Variants in CAST observed in about 807,000 individuals in gnomAD.
CAST encodes the protein calpastatin.
A neutral mutation model predicts 119.6 loss-of-function variants in CAST; 76 were observed. That is an observed-to-expected ratio of 0.64 (90% CI 0.53 to 0.77). The LOEUF is 0.77. Among genes scored for constraint, CAST ranks in the 30% least tolerant of loss-of-function variants. CAST has a pLI of 0.00. For missense variants in CAST, 953 were observed against 946.5 expected (o/e 1.01, Z -0.09); for synonymous variants, 319 against 331.6 (o/e 0.96, Z 0.41).
chr5:96,388,178 A>T, the CAST span, among the ~76,000 whole-genome samples: 1 of 152,260 alleles, frequency 6.6e-6, no homozygotes, highest in Non-Finnish European at 1.5e-5. Context: ...TCCCTGGCAC[A>T]TGCCATGAGA....
intron 3 of CAST, chr5:96,702,663 C>G (rs1196937288): frequency 1.8e-6 from 1 of 549,158 alleles, no homozygotes; most frequent in South Asian, 7.9e-5. Context: ...GTGAGCCAGT[C>G]TCCAGATGCC....
At chr5:96,615,503 C>A (rs773742994) in intron 1 of CAST, among the ~76,000 whole-genome samples, 15 of 152,146 alleles carry the variant, frequency 9.9e-5, no homozygotes, top group Admixed American at 2.6e-4. Context: ...GTGCCAATGG[C>A]AACAGGGAGA....
chr5:96,350,397 T>C, the CAST span, among the ~76,000 whole-genome samples: 213 of 152,258 alleles, frequency 1.4e-3, 1 homozygote, highest in African/African-American at 5.1e-3. Flanking sequence ...CAATCAGATA[T>C]CCATTTATCT....
chr5:95,997,962 G>GTT, the CAST span, among the ~76,000 whole-genome samples: 2,947 of 110,614 alleles, frequency 0.027, 33 homozygotes, highest in East Asian at 0.055. Context: ...TTTGAGAGAG[G>GTT]GTTTTTTTTT....
intron 1 of CAST, among the ~76,000 whole-genome samples, chr5:96,674,989 G>A (rs550969961): frequency 4.1e-4 from 63 of 152,122 alleles, no homozygotes; most frequent in Non-Finnish European, 7.8e-4. Context: ...ATTTATCCTC[G>A]GTGTCCTAGT....
At chr5:96,751,649 TAGG>T (rs1765078130) in intron 20 of CAST, among the ~76,000 whole-genome samples, 3 of 152,264 alleles carry the variant, frequency 2.0e-5, no homozygotes, top group South Asian at 2.1e-4. Context: ...GGAGGGACTC[TAGG>T]AGGACTCTGG....
intron 1 of CAST, among the ~76,000 whole-genome samples, chr5:96,561,658 A>G (rs1299660192): frequency 2.0e-5 from 3 of 152,042 alleles, no homozygotes; most frequent in African/African-American, 4.8e-5. Context: ...ATGTGTATAC[A>G]TATGTAACAA....
At chr5:96,355,509 A>G in the CAST span, among the ~76,000 whole-genome samples, 4 of 152,274 alleles carry the variant, frequency 2.6e-5, no homozygotes, top group Non-Finnish European at 4.4e-5. Context: ...GTGTCTTTAT[A>G]GTAGAATGAT....
At chr5:96,536,638 T>C (rs571017102) in intron 1 of CAST, among the ~76,000 whole-genome samples, 2 of 152,302 alleles carry the variant, frequency 1.3e-5, no homozygotes, top group South Asian at 4.1e-4. Flanking sequence ...AGAGTGATGA[T>C]ACATTTTTCT....
chr5:96,443,450 G>T, the CAST span, among the ~76,000 whole-genome samples: 1 of 152,130 alleles, frequency 6.6e-6, no homozygotes, highest in East Asian at 1.9e-4. Context: ...TCTAGATTCT[G>T]GGAACCTAGT....
At chr5:96,673,109 G>A (rs1264882189) in intron 1 of CAST, among the ~76,000 whole-genome samples, 1 of 152,064 alleles carries the variant, frequency 6.6e-6, no homozygotes, top group African/African-American at 2.4e-5. Context: ...AAGTAAATGA[G>A]GCACTCAAAA....
At chr5:96,717,164 C>G (rs1662959905) in intron 3 of CAST, among the ~76,000 whole-genome samples, 1 of 152,192 alleles carries the variant, frequency 6.6e-6, no homozygotes, top group African/African-American at 2.4e-5. Flanking sequence ...ACCTCTGCCT[C>G]TTGATAAATT....
intron 1 of CAST, among the ~76,000 whole-genome samples, chr5:96,562,753 G>C (rs564223006): frequency 1.1e-4 from 17 of 152,220 alleles, no homozygotes; most frequent in Non-Finnish European, 2.4e-4. Context: ...AGATGGGGCT[G>C]GTTAAATGCT....
the CAST span, among the ~76,000 whole-genome samples, chr5:96,424,148 A>G: frequency 6.6e-6 from 1 of 152,198 alleles, no homozygotes; most frequent in Admixed American, 6.5e-5. Context: ...TGTGAGACAG[A>G]GACAGTAAAA....
intron 1 of CAST, chr5:96,662,881 A>G (rs1748753830): frequency 1.8e-6 from 1 of 568,270 alleles, no homozygotes; most frequent in South Asian, 2.2e-5. Flanking sequence ...GCCGGGCCGC[A>G]GGGCGTGGCT....
the CAST span, among the ~76,000 whole-genome samples, chr5:96,184,285 C>T: frequency 6.6e-6 from 1 of 152,222 alleles, no homozygotes; most frequent in Admixed American, 6.5e-5. Context: ...TCTCTTACTT[C>T]TTTATGCTCC....
chr5:96,608,662 T>C (rs530162285), intron 1 of CAST, among the ~76,000 whole-genome samples: 10 of 152,286 alleles, frequency 6.6e-5, no homozygotes, highest in African/African-American at 2.2e-4. Flanking sequence ...CATTCTTGCA[T>C]GGTTATAAAG....
Position 96,599,973 on chromosome 5 carries a change from A to AAAAAAAAAAG in CAST, c.60+70102_60+70103insGAAAAAAAAA, listed in dbSNP as rs1554070016. Among the ~76,000 whole-genome samples the AAAAAAAAAAG allele has an allele frequency of 6.8e-3, 611 of 90,136 alleles. 6 individuals are homozygous for AAAAAAAAAAG. The highest frequency in any genetic ancestry group is 0.013 in the Non-Finnish European group (403 of 32,194). 59.1% of individuals were successfully genotyped at this position (90,136 alleles called of 152,430 possible). A position where few individuals can be genotyped will look rare whatever the true frequency, so the allele number is the denominator to read the frequency against. Reference sequence around the variant, plus strand: ...TATTATTGCTTCATTAGGCAAAAAAAAAAAAAAAAACCCTCAAGCTCTGTT... The same window carrying AAAAAAAAAAG: ...TATTATTGCTTCATTAGGCAAAAAAAAAAAAAAAAGAAAAAAAAAACCCTCAAGCTCTGTT... On this transcript the variant is annotated intron_variant, in intron 1 of 11. Transcript: ENST00000505143.
chr5:96,069,193 G>A, the CAST span, among the ~76,000 whole-genome samples: 1 of 151,366 alleles, frequency 6.6e-6, no homozygotes, highest in Admixed American at 6.6e-5. Flanking sequence ...ACATACACAT[G>A]GGAAGACAGG....
Sources: allele counts gnomAD v4.1 joint callset (sites outside exome capture counted in the v4.1 genomes callset), GRCh38; gene constraint gnomAD v4.1.1; transcripts MANE v1.5; gene names NCBI Gene and HGNC (gene_info 2026-07-23, HGNC 2026-07-21).